The following PRMT3 variants were observed in gnomAD, a reference collection of about 807,000 sequenced individuals.
PRMT3 encodes the protein protein arginine methyltransferase 3, also known as protein arginine N-methyltransferase 3.
Under a neutral mutation model 71.9 loss-of-function variants are expected in PRMT3, and 62 were observed. The ratio of observed to expected loss-of-function variants is 0.86; its 90% CI spans 0.70 to 1.07. The LOEUF is 1.07. Among genes scored for constraint, PRMT3 ranks in the 50% least tolerant of loss-of-function variants. PRMT3 has a pLI of 0.00. For synonymous variants in PRMT3, 213 were observed against 220.4 expected (o/e 0.97, Z 0.30); for missense variants, 663 against 643.0 (o/e 1.03, Z -0.34).
chr11:20,450,254 C>T (rs1850119221), intron 10 of PRMT3, among the ~76,000 whole-genome samples: 1 of 152,080 alleles, frequency 6.6e-6, no homozygotes, highest in Non-Finnish European at 1.5e-5. Context: ...AGATAGGGAC[C>T]ATTTTTTTCA....
At chr11:20,395,594 C>T (rs1380438126) in intron 5 of PRMT3, among the ~76,000 whole-genome samples, 2 of 151,994 alleles carry the variant, frequency 1.3e-5, no homozygotes, top group African/African-American at 4.8e-5. Flanking sequence ...CTCAAGTGAT[C>T]TGCCTGCCTC....
At chr11:20,456,397 T>C (rs1463073256) in intron 11 of PRMT3, among the ~76,000 whole-genome samples, 1 of 152,216 alleles carries the variant, frequency 6.6e-6, no homozygotes, top group Non-Finnish European at 1.5e-5. Context: ...TTCTAATTAA[T>C]TTTTGTGTAT....
At chr11:20,441,805 T>A (rs1156822957) in intron 10 of PRMT3, among the ~76,000 whole-genome samples, 1 of 151,306 alleles carries the variant, frequency 6.6e-6, no homozygotes, top group Non-Finnish European at 1.5e-5. Flanking sequence ...TTTTTTTTTT[T>A]TTTTGAGATG....
At chr11:20,472,317 T>C (rs1850666262) in intron 13 of PRMT3, among the ~76,000 whole-genome samples, 1 of 151,674 alleles carries the variant, frequency 6.6e-6, no homozygotes. Flanking sequence ...GCCCATTCAG[T>C]GTGATATTGG....
intron 15 of PRMT3, among the ~76,000 whole-genome samples, chr11:20,507,122 A>G (rs539109143): frequency 1.3e-4 from 20 of 152,314 alleles, no homozygotes; most frequent in Non-Finnish European, 2.6e-4. Flanking sequence ...ATACCATTAC[A>G]TGTACATCCC....
intron 13 of PRMT3, among the ~76,000 whole-genome samples, chr11:20,467,502 G>T (rs999011144): frequency 1.3e-5 from 2 of 152,152 alleles, no homozygotes; most frequent in Admixed American, 1.3e-4. Flanking sequence ...GATCTTACAG[G>T]GGTAGAAGAA....
chr11:20,428,679 A>T (rs1849595524), intron 10 of PRMT3, among the ~76,000 whole-genome samples: 1 of 152,190 alleles, frequency 6.6e-6, no homozygotes, highest in Non-Finnish European at 1.5e-5. Context: ...TTTCTTCTGT[A>T]CCAAGGAGGG....
intron 13 of PRMT3, among the ~76,000 whole-genome samples, chr11:20,476,721 T>C (rs568358302): frequency 6.7e-6 from 1 of 148,560 alleles, no homozygotes; most frequent in African/African-American, 2.5e-5. Flanking sequence ...TTCAGATATC[T>C]TTTAGTTGTA....
intron 9 of PRMT3, among the ~76,000 whole-genome samples, chr11:20,422,179 G>A (rs1849441609): frequency 6.6e-6 from 1 of 152,160 alleles, no homozygotes. Flanking sequence ...AGTAAGTGAT[G>A]TGTTTCCCTG....
chr11:20,457,857 T>A (rs551216401), intron 11 of PRMT3, among the ~76,000 whole-genome samples: 1 of 152,308 alleles, frequency 6.6e-6, no homozygotes, highest in South Asian at 2.1e-4. Context: ...TTTATTAGTT[T>A]GAGTTTGTTC....
Position 20,508,340 on chromosome 11 carries a change from A to G in PRMT3, c.1523A>G (p.Asn508Ser), listed in dbSNP as rs6483700. The change falls in exon 16 of 16, where the codon AAT becomes AGT. Residue 508 changes from asparagine (N) to serine (S), a missense_variant. Coordinates refer to ENST00000331079, the MANE Select transcript of PRMT3 (RefSeq NM_005788.4). ...ALKGKVTVHK[N>S]KKDPRSLTVT... is the part of the protein sequence containing the mutation. ...AAAGGAAAGGTCACAGTTCACAAGAATAAGAAAGATCCACGTTCTCTCACC... is the reference window on the plus strand; with the variant it reads ...AAAGGAAAGGTCACAGTTCACAAGAGTAAGAAAGATCCACGTTCTCTCACC... 1,482 of 1,611,850 alleles carry G rather than the reference A, an allele frequency of 9.2e-4. 24 individuals carry two copies. The East Asian group carries it at 0.03, about 32-fold the overall frequency.
At chr11:20,440,425 C>T (rs1258601840) in intron 10 of PRMT3, among the ~76,000 whole-genome samples, 2 of 142,076 alleles carry the variant, frequency 1.4e-5, no homozygotes, top group African/African-American at 5.1e-5. Flanking sequence ...GCGGGCGAAT[C>T]ACGAGGTCAG....
chr11:20,489,910 C>G (rs1851167341), intron 13 of PRMT3, among the ~76,000 whole-genome samples: 1 of 149,764 alleles, frequency 6.7e-6, no homozygotes, highest in Non-Finnish European at 1.5e-5. Flanking sequence ...GACTCCATCT[C>G]TAAAATTAAA....
intron 9 of PRMT3, among the ~76,000 whole-genome samples, chr11:20,424,668 A>G (rs1237486592): frequency 2.0e-5 from 3 of 152,232 alleles, no homozygotes; most frequent in African/African-American, 4.8e-5. Flanking sequence ...GAAAAAAATG[A>G]TAAGTTGTTC....
Position 20,508,586 on chromosome 11 carries a change from AAG to A in PRMT3, c.*177_*178del, listed in dbSNP as rs1306513967. Reference sequence around the variant, plus strand: ...GGAATCTGACATAGTTCAGCTGAGGAAGAGAATCAGCTGATCCTCATGGTCTG... The same window carrying A: ...GGAATCTGACATAGTTCAGCTGAGGAAGAATCAGCTGATCCTCATGGTCTG... On this transcript the variant is annotated 3_prime_UTR_variant, in exon 16 of 16. Coordinates refer to ENST00000331079, the MANE Select transcript of PRMT3 (RefSeq NM_005788.4). 1.4e-5 allele frequency: 10 copies of A among 696,512 alleles called. No homozygotes were observed. The highest frequency in any genetic ancestry group is 2.6e-5 in the Non-Finnish European group (10 of 379,198). 43.1% of individuals were successfully genotyped at this position (696,512 alleles called of 1,614,324 possible). A position where few individuals can be genotyped will look rare whatever the true frequency, so the allele number is the denominator to read the frequency against.
At chr11:20,438,183 G>A (rs562763610) in intron 10 of PRMT3, among the ~76,000 whole-genome samples, 102 of 152,050 alleles carry the variant, frequency 6.7e-4, no homozygotes, top group African/African-American at 2.2e-3. Flanking sequence ...CCAGCAGCTC[G>A]GAACCAGAGG....
chr11:20,478,213 TTTTTTATGTTAGAGTGAGGG>T, intron 13 of PRMT3, among the ~76,000 whole-genome samples: 1 of 152,082 alleles, frequency 6.6e-6, no homozygotes, highest in African/African-American at 2.4e-5. Flanking sequence ...AGTGAGGGTC[TTTTTTATGTTAGAGTGAGGG>T]TCTTTTGCAA....
chr11:20,504,741 AGAGAGC>A lies in PRMT3; in HGVS notation c.1487-3554_1487-3549del, dbSNP rs879340291. On this transcript the variant is annotated intron_variant, in intron 15 of 15. Coordinates refer to ENST00000331079, the MANE Select transcript of PRMT3 (RefSeq NM_005788.4). ...GAGAGAGAGAGAGAGAGAGAGAGAGAGAGAGCGAGAGCGACTGAGACTCGGTCTGTC... is the reference window on the plus strand; with the variant it reads ...GAGAGAGAGAGAGAGAGAGAGAGAGAGAGAGCGACTGAGACTCGGTCTGTC... 2.3e-4 allele frequency among the ~76,000 whole-genome samples: 32 copies of A among 137,732 alleles called. No individual in the cohort carries two copies. In the South Asian group the frequency reaches 4.3e-3, roughly 18 times the overall value. The allele number at this position is 137,732 out of a possible 152,430, so 90.4% of individuals were successfully genotyped here.
chr11:20,505,102 AT>A (rs1187566627), intron 15 of PRMT3, among the ~76,000 whole-genome samples: 2 of 152,182 alleles, frequency 1.3e-5, no homozygotes, highest in East Asian at 1.9e-4. Context: ...TAGAAATAGA[AT>A]TTTTATACCT....
Sources: gnomAD v4.1 joint callset for allele counts (sites outside exome capture counted in the v4.1 genomes callset) on GRCh38, gnomAD v4.1.1 for gene constraint, MANE v1.5 for transcripts, NCBI Gene and HGNC (gene_info 2026-07-23, HGNC 2026-07-21) for gene names.